Variants in SLC2A12 observed in about 807,000 individuals in gnomAD.
SLC2A12 encodes solute carrier family 2 member 12.
Under a neutral mutation model 41.8 loss-of-function variants are expected in SLC2A12, and 23 were observed. The observed-to-expected ratio is 0.55, with a 90% CI of 0.40 to 0.78. The LOEUF (loss-of-function observed/expected upper bound fraction) is 0.78, where lower values mean the gene tolerates loss of function less well. Among genes scored for constraint, SLC2A12 ranks in the 30% least tolerant of loss-of-function variants. SLC2A12 has a pLI of 0.00. For synonymous variants in SLC2A12, 295 were observed against 285.9 expected, an observed-to-expected ratio of 1.03 and a Z score of -0.32; for missense variants, 654 against 745.6, an observed-to-expected ratio of 0.88 and a Z score of 1.43.
intron 4 of SLC2A12, 105 bp from the exon 5 acceptor site, chr6:133,991,413 T>A: frequency 8.2e-7 from 1 of 1,216,198 alleles, no homozygotes; most frequent in African/African-American, 1.5e-5. Context: ...ATGTTTTAGC[T>A]ATGCAAAAAT....
chr6:134,032,431 TATATATATATATATATAA>T (rs1170874422), intron 1 of SLC2A12, among the ~76,000 whole-genome samples: 2 of 36,578 alleles, frequency 5.5e-5, no homozygotes, highest in Admixed American at 2.8e-4. Context: ...TATATTTATA[TATATATATATATATATAA>T]ATATATATAT....
intron 2 of SLC2A12, among the ~76,000 whole-genome samples, chr6:134,010,698 A>G (rs1199610715): frequency 6.6e-6 from 1 of 152,202 alleles, no homozygotes; most frequent in Non-Finnish European, 1.5e-5. Flanking sequence ...GCTGCCTATC[A>G]GAACTTGCCT....
At chr6:134,026,794 G>A (rs776122504) in intron 2 of SLC2A12, among the ~76,000 whole-genome samples, 5 of 152,146 alleles carry the variant, frequency 3.3e-5, no homozygotes, top group African/African-American at 4.8e-5. Context: ...CCATGTCTTG[G>A]ACCATGACCC....
At chr6:134,048,185 A>C (rs1250861179) in intron 1 of SLC2A12, among the ~76,000 whole-genome samples, 2 of 152,214 alleles carry the variant, frequency 1.3e-5, no homozygotes, top group African/African-American at 4.8e-5. Flanking sequence ...GTGAGGTTAA[A>C]TGTACAGTCA....
chr6:134,013,145 G>A (rs1327530214), intron 2 of SLC2A12, among the ~76,000 whole-genome samples: 1 of 151,950 alleles, frequency 6.6e-6, no homozygotes. Flanking sequence ...ATGACCTTAG[G>A]CCGGGCATGG....
intron 3 of SLC2A12, among the ~76,000 whole-genome samples, chr6:134,006,428 A>AT (rs1212062645): frequency 6.6e-6 from 1 of 152,186 alleles, no homozygotes; most frequent in Admixed American, 6.5e-5. Flanking sequence ...CAAATCATGT[A>AT]TAAAAAGCAA....
In SLC2A12 at chr6:133,990,163, T is replaced by A. The variant is rs35064072; in HGVS notation, c.*992A>T. On this transcript the variant is annotated 3_prime_UTR_variant, in exon 5 of 5. Transcript: ENST00000275230. ...CCTGATGTCTGAATGTCATTTATTG[T>A]GTCTTCAGTTATCTGAACATCATCA... 6.5e-6 allele frequency: 1 copy of A among 152,714 alleles called. No homozygotes were observed. Among genetic ancestry groups the A allele is most frequent in the Admixed American group, 6.5e-5 (1 of 15,286 alleles). The allele number at this position is 152,714 out of a possible 1,614,324, so 9.5% of individuals were successfully genotyped here.
chr6:134,045,039 T>C (rs1200890298), intron 1 of SLC2A12, among the ~76,000 whole-genome samples: 1 of 152,184 alleles, frequency 6.6e-6, no homozygotes, highest in East Asian at 1.9e-4. Context: ...CACATGGATG[T>C]GATCCCTCAT....
At chr6:134,040,383 G>A (rs1201255698) in intron 1 of SLC2A12, among the ~76,000 whole-genome samples, 1 of 152,074 alleles carries the variant, frequency 6.6e-6, no homozygotes, top group Non-Finnish European at 1.5e-5. Context: ...CAGGTCTCAG[G>A]TATTTCTTTA....
chr6:134,002,499 C>CT (rs1776765705), intron 3 of SLC2A12, among the ~76,000 whole-genome samples: 1 of 152,146 alleles, frequency 6.6e-6, no homozygotes, highest in South Asian at 2.1e-4. Context: ...GGTAAAATCT[C>CT]TCTTCTCCCT....
At chr6:134,001,681 T>G (rs1229515949) in intron 4 of SLC2A12, among the ~76,000 whole-genome samples, 1 of 152,094 alleles carries the variant, frequency 6.6e-6, no homozygotes, top group Non-Finnish European at 1.5e-5. Flanking sequence ...AAAGATTTTA[T>G]TCAAATTCAG....
intron 1 of SLC2A12, among the ~76,000 whole-genome samples, chr6:134,035,468 T>TTTCAGTTTA (rs1377375456): frequency 7.9e-5 from 12 of 152,142 alleles, no homozygotes; most frequent in African/African-American, 2.7e-4. Flanking sequence ...TGGGTTTCTG[T>TTTCAGTTTA]TTCAGTTTAT....
chr6:134,007,818 G>C (rs1026940), intron 2 of SLC2A12, among the ~76,000 whole-genome samples: 25,562 of 152,052 alleles, frequency 0.17, 2,458 homozygotes, highest in South Asian at 0.28. Flanking sequence ...GAACTATTAC[G>C]AAACCTCTTT....
intron 2 of SLC2A12, among the ~76,000 whole-genome samples, chr6:134,010,171 T>G (rs561141988): frequency 4.6e-5 from 7 of 152,352 alleles, no homozygotes; most frequent in Non-Finnish European, 1.0e-4. Flanking sequence ...GATGTGTTTA[T>G]GTTTATAATA....
Position 133,998,466 on chromosome 6 carries a change from T to C in SLC2A12, c.1700+3531A>G, listed in dbSNP as rs540640270. The stretch of plus-strand genomic sequence containing the variant: ...GGGAGGCCTATATAGTTTCATTCAA[T>C]TAATTAATTGCTACTTTCTCCCTGC... On this transcript the variant is annotated intron_variant, in intron 4 of 4. Coordinates refer to ENST00000275230, the MANE Select transcript of SLC2A12 (RefSeq NM_145176.3). Among the ~76,000 whole-genome samples the C allele has an allele frequency of 5.2e-5, 8 of 152,384 alleles. No individual in the cohort carries two copies. The South Asian group carries it at 1.7e-3, about 32-fold the overall frequency.
chr6:134,038,283 C>G (rs1292768450), intron 1 of SLC2A12, among the ~76,000 whole-genome samples: 4 of 151,606 alleles, frequency 2.6e-5, no homozygotes, highest in African/African-American at 9.7e-5. Context: ...TAGTACTCCC[C>G]TGTGCTTTGA....
At chr6:134,020,142 G>A (rs1402546687) in intron 2 of SLC2A12, among the ~76,000 whole-genome samples, 3 of 152,104 alleles carry the variant, frequency 2.0e-5, no homozygotes, top group African/African-American at 4.8e-5. Flanking sequence ...GTAAAATGAC[G>A]TGGGGCATCC....
chr6:134,028,733 T>A lies in SLC2A12; in HGVS notation c.1092A>T (p.Val364=), dbSNP rs1777150413. The change falls in exon 2 of 5, where the codon GTA becomes GTT. Residue 364 remains valine (V), a synonymous_variant. Coordinates refer to ENST00000275230, the MANE Select transcript of SLC2A12 (RefSeq NM_145176.3). ...TGAAGTTCATGTGGATGTTGAGATT[T>A]ACGATGCCCATGGTCACCAACGAAG... The part of the protein sequence containing the change: ...MAASLVTMGI[V]NLNIHMNFTH... 1.2e-6 allele frequency: 2 copies of A among 1,614,174 alleles called. No individual in the cohort carries two copies. Among genetic ancestry groups the A allele is most frequent in the Non-Finnish European group, 1.7e-6 (2 of 1,180,024 alleles).
chr6:134,046,844 A>G (rs186260893), intron 1 of SLC2A12, among the ~76,000 whole-genome samples: 1 of 152,296 alleles, frequency 6.6e-6, no homozygotes, highest in Admixed American at 6.5e-5. Context: ...GGGCATAGTC[A>G]TTTAGCAAAT....
Sources: gnomAD v4.1 joint callset for allele counts (sites outside exome capture counted in the v4.1 genomes callset) on GRCh38, gnomAD v4.1.1 for gene constraint, MANE v1.5 for transcripts, NCBI Gene and HGNC (gene_info 2026-07-23, HGNC 2026-07-21) for gene names.